Variants in USP19 observed in about 807,000 individuals in gnomAD.
USP19 encodes the protein ubiquitin carboxyl-terminal hydrolase 19.
USP19 carries 40 observed loss-of-function variants against 144.8 expected under a neutral mutation model. The ratio of observed to expected loss-of-function variants is 0.28; its 90% CI spans 0.21 to 0.36. The LOEUF (loss-of-function observed/expected upper bound fraction) is 0.36, where lower values mean the gene tolerates loss of function less well. Among genes scored for constraint, USP19 ranks in the 10% least tolerant of loss-of-function variants. The probability of loss-of-function intolerance (pLI) is 1.00; values close to 1 mark genes in which losing one functional copy is unlikely to be tolerated. For missense variants in USP19, 1,518 were observed against 1,822.5 expected, an observed-to-expected ratio of 0.83 and a Z score of 3.04; for synonymous variants, 701 against 709.3, an observed-to-expected ratio of 0.99 and a Z score of 0.19.
Position 49,110,992 on chromosome 3 carries a change from T to C in USP19, c.3503A>G (p.Asn1168Ser). Reference protein sequence around the residue: ...AGHFTLDQCLNLFTRPEVLAP... With the variant: ...AGHFTLDQCLSLFTRPEVLAP... ...CAGCACCTCAGGCCGTGTGAAGAGG[T>C]TGAGGCACTGGTCCAGGGTGAAGTG... is the stretch of plus-strand genomic sequence containing the variant. Residue 1168 changes from asparagine (N) to serine (S), a missense_variant, in exon 23 of 27, where the codon AAC (asparagine) becomes AGC (serine). Asn to Ser is a conservative substitution (Grantham distance 46, BLOSUM62 1). Coordinates refer to ENST00000417901, the MANE Select transcript of USP19 (RefSeq NM_001199161.2). This position sits in a 1 kb window ranked among gnomAD's most constrained non-coding sequence, Gnocchi z 6.1. The C allele has an allele frequency of 1.2e-6, 2 of 1,613,950 alleles. No individual in the cohort carries two copies. The highest frequency in any genetic ancestry group is 4.5e-5 in the East Asian group (2 of 44,852).
rs1420871810 is a variant in USP19 at position 49,115,486 on chromosome 3, G to A, written c.1846C>T (p.Gln616Ter). 1 of 1,614,132 alleles carries A rather than the reference G, an allele frequency of 6.2e-7. No individual in the cohort carries two copies. The highest frequency in any genetic ancestry group is 8.5e-7 in the Non-Finnish European group (1 of 1,180,054). ...GNTCFMNSVI[Q>*]SLSNTRELRD... is the part of the protein sequence containing the mutation. ...AGTTCCCGAGTGTTGGACAGAGACTGAATGACGCTGTTCATGAAGCAGGTG... is the reference window on the plus strand; with the variant it reads ...AGTTCCCGAGTGTTGGACAGAGACTAAATGACGCTGTTCATGAAGCAGGTG... Residue 616 changes from glutamine to a stop codon, truncating the protein, a stop_gained, in exon 12 of 27, where the codon CAG becomes TAG. Transcript: ENST00000417901. LOFTEE classifies it high-confidence loss of function. This position sits in a 1 kb window ranked among gnomAD's most constrained non-coding sequence, Gnocchi z 6.6.
rs1471081276 is a variant in USP19, at chr3:49,112,775, G to A, written c.2506-146C>T. 3 of 1,197,306 alleles carry A rather than the reference G, an allele frequency of 2.5e-6. No homozygotes were observed. Among genetic ancestry groups the A allele is most frequent in the East Asian group, 2.6e-5 (1 of 38,428 alleles). 74.2% of individuals were successfully genotyped at this position (1,197,306 alleles called of 1,614,324 possible). On this transcript the variant is annotated intron_variant, in intron 17 of 26. Transcript: ENST00000417901. This position sits in a 1 kb window ranked among gnomAD's most constrained non-coding sequence, Gnocchi z 4.9. ...CCCAAATAGGCTTATGCCTCTGCTG[G>A]CACCTGTCTCAGTGCCCAATGCCAT...
Position 49,112,604 on chromosome 3 carries a change from A to G in USP19, c.2531T>C (p.Val844Ala). 6.2e-7 allele frequency: 1 copy of G among 1,613,694 alleles called. No homozygotes were observed. Residue 844 changes from valine (V) to alanine (A), a missense_variant, in exon 18 of 27, where the codon GTG becomes GCG. By Grantham distance (64) the Val-to-Ala change is moderately conservative. Around this residue, in one of 5 missense-constraint regions of USP19, gnomAD observed 413 missense variants for 515.8 expected, o/e 0.80. Transcript: ENST00000417901. This position sits in a 1 kb window ranked among gnomAD's most constrained non-coding sequence, Gnocchi z 4.9. ...GTCCAGTGAGTGGGAGGGTAGGAACACACGATGAAAACGATTCTTAATTAC... is the reference window on the plus strand; with the variant it reads ...GTCCAGTGAGTGGGAGGGTAGGAACGCACGATGAAAACGATTCTTAATTAC... The part of the protein sequence containing the change: ...AEVIKNRFHR[V>A]FLPSHSLDTV...
In USP19 at chr3:49,110,324, C is replaced by T; in HGVS notation, c.3898G>A (p.Asp1300Asn). The change falls in exon 26 of 27, where the codon GAC becomes AAC. Residue 1300 changes from aspartate (D) to asparagine (N), a missense_variant. Transcript: ENST00000417901. This position sits in a 1 kb window ranked among gnomAD's most constrained non-coding sequence, Gnocchi z 6.1. ...TAACGCGTCACAACCTGGCTCTCGT[C>T]TACCGTTGTCACTGTGCTGTCATCA... The part of the protein sequence containing the change: ...LFDDSTVTTV[D>N]ESQVVTRYAY... The T allele has an allele frequency of 3.1e-6, 5 of 1,602,250 alleles. No individual in the cohort carries two copies. The highest frequency in any genetic ancestry group is 4.3e-6 in the Non-Finnish European group (5 of 1,172,774).
Position 49,117,452 on chromosome 3 carries a change from C to T in USP19, c.591G>A (p.Thr197=), listed in dbSNP as rs771029171. The part of the protein sequence containing the change: ...LTLPKKVPML[T]WPSLLKKPLG... ...TAGAACTCACCAGGAGGGAGGGCCACGTGAGCATAGGCACCTTTTTGGGCA... is the reference window on the plus strand; with the variant it reads ...TAGAACTCACCAGGAGGGAGGGCCATGTGAGCATAGGCACCTTTTTGGGCA... The change falls in exon 5 of 27, where the codon ACG becomes ACA. Residue 197 remains threonine (T), a synonymous_variant. Transcript: ENST00000417901. This position sits in a 1 kb window ranked among gnomAD's most constrained non-coding sequence, Gnocchi z 4.4. 5.6e-6 allele frequency: 9 copies of T among 1,614,026 alleles called. No individual in the cohort carries two copies. Among genetic ancestry groups the T allele is most frequent in the South Asian group, 2.2e-5 (2 of 91,090 alleles).
Position 49,112,215 on chromosome 3 carries a change from G to A in USP19, c.2765+69C>T. On this transcript the variant is annotated intron_variant, in intron 19 of 26. Coordinates refer to ENST00000417901, the MANE Select transcript of USP19 (RefSeq NM_001199161.2). The surrounding 1 kb of genome is among the most constrained non-coding windows in gnomAD (Gnocchi z 4.9). ...AGCTTAAGCATATGTGCCTTGGTGTGAAGGGAAGGAGCAGGGTGGCACATG... is the reference window on the plus strand; with the variant it reads ...AGCTTAAGCATATGTGCCTTGGTGTAAAGGGAAGGAGCAGGGTGGCACATG... The A allele has an allele frequency of 1.9e-6, 3 of 1,557,564 alleles. No homozygotes were observed. The highest frequency in any genetic ancestry group is 1.7e-6 in the Non-Finnish European group (2 of 1,150,690).
Position 49,110,138 on chromosome 3 carries a change from T to G in USP19, c.4038+46A>C, listed in dbSNP as rs2042925043. 1 of 1,471,674 alleles carries G rather than the reference T, an allele frequency of 6.8e-7. No homozygotes were observed. The highest frequency in any genetic ancestry group is 9.0e-7 in the Non-Finnish European group (1 of 1,114,670). 91.2% of individuals were successfully genotyped at this position (1,471,674 alleles called of 1,614,324 possible). A position where few individuals can be genotyped will look rare whatever the true frequency, so the allele number is the denominator to read the frequency against. On this transcript the variant is annotated intron_variant, in intron 26 of 26. Transcript: ENST00000417901. This position sits in a 1 kb window ranked among gnomAD's most constrained non-coding sequence, Gnocchi z 6.1. ...TATATCCCCCAACCCGGCCCCAGTC[T>G]GTGAACTGTCCCCCAGTATTCTGTA...
Position 49,112,409 on chromosome 3 carries a change from T to C in USP19, c.2647-7A>G, listed in dbSNP as rs764110813. The C allele has an allele frequency of 9.9e-6, 16 of 1,613,618 alleles. No individual in the cohort carries two copies. Among genetic ancestry groups the C allele is most frequent in the Non-Finnish European group, 1.4e-5 (16 of 1,179,882 alleles). On this transcript the variant is annotated splice_polypyrimidine_tract_variant and splice_region_variant and intron_variant, in intron 18 of 26. Transcript: ENST00000417901. This position sits in a 1 kb window ranked among gnomAD's most constrained non-coding sequence, Gnocchi z 4.9. ...CGCTGGGCACCTGGGGGCGCTAGGGTGGGTCGTCTGGCTCAGCAAGACCAG... is the reference window on the plus strand; with the variant it reads ...CGCTGGGCACCTGGGGGCGCTAGGGCGGGTCGTCTGGCTCAGCAAGACCAG...
rs766818693 is a variant in USP19, at chr3:49,116,381, G to C, written c.1284-30C>G. On this transcript the variant is annotated intron_variant, in intron 8 of 26. Transcript: ENST00000417901. This position sits in a 1 kb window ranked among gnomAD's most constrained non-coding sequence, Gnocchi z 5.0. ...AGAGGCACAGCAGGATAGGAGGAAGGACAAGAGGAAGAGCATGAGACATAC... is the reference window on the plus strand; with the variant it reads ...AGAGGCACAGCAGGATAGGAGGAAGCACAAGAGGAAGAGCATGAGACATAC... The C allele has an allele frequency of 3.7e-6, 6 of 1,614,112 alleles. No homozygotes were observed. Among genetic ancestry groups the C allele is most frequent in the Non-Finnish European group, 3.4e-6 (4 of 1,179,986 alleles).
In USP19 at chr3:49,119,232, C is replaced by G; in HGVS notation, c.-87G>C. The G allele has an allele frequency of 6.6e-7, 1 of 1,515,660 alleles. No individual in the cohort carries two copies. Among genetic ancestry groups the G allele is most frequent in the Non-Finnish European group, 8.8e-7 (1 of 1,136,830 alleles). The allele number at this position is 1,515,660 out of a possible 1,614,324, so 93.9% of individuals were successfully genotyped here. On this transcript the variant is annotated 5_prime_UTR_variant, in exon 2 of 27. Transcript: ENST00000417901. ...CTGCGGCGCTTTCTTCCTGGCCCAG[C>G]TATCTTGGCAACTCTTTGTGGCCAA...
At position 49,112,328 on chromosome 3, in the gene USP19, C is replaced by G. The variant is rs1315579543; in HGVS notation, c.2721G>C (p.Lys907Asn). The stretch of plus-strand genomic sequence containing the variant: ...GGTAGCACCGGGTACAGCGCTTCAG[C>G]TTTTCATCCTCCGACTGTTGCTTCC... ...CQRKQQSEDE[K>N]LKRCTRCYRV... Residue 907 changes from lysine to asparagine, a missense_variant, in exon 19 of 27, where the codon AAG (lysine) becomes AAC (asparagine). Lys to Asn is a moderately conservative substitution (Grantham distance 94, BLOSUM62 0). Transcript: ENST00000417901. The surrounding 1 kb of genome is among the most constrained non-coding windows in gnomAD (Gnocchi z 4.9). 1 of 1,613,790 alleles carries G rather than the reference C, an allele frequency of 6.2e-7. No homozygotes were observed. The highest frequency in any genetic ancestry group is 8.5e-7 in the Non-Finnish European group (1 of 1,179,896).
Position 49,111,828 on chromosome 3 carries a change from C to A in USP19, c.2904-15G>T. 1 of 1,578,608 alleles carries A rather than the reference C, an allele frequency of 6.3e-7. No individual in the cohort carries two copies. Among genetic ancestry groups the A allele is most frequent in the South Asian group, 1.2e-5 (1 of 85,524 alleles). On this transcript the variant is annotated splice_polypyrimidine_tract_variant and intron_variant, in intron 20 of 26. Coordinates refer to ENST00000417901, the MANE Select transcript of USP19 (RefSeq NM_001199161.2). This position sits in a 1 kb window ranked among gnomAD's most constrained non-coding sequence, Gnocchi z 5.9. ...TCACAGAGTACCTGGCAACAGAGAA[C>A]AACGCAAGTAAGACTCCTGACCAGC...
rs1377915958 is a variant in USP19 at position 49,112,987 on chromosome 3, C to T, written c.2506-358G>A. Among the ~76,000 whole-genome samples the T allele has an allele frequency of 1.3e-5, 2 of 152,180 alleles. No homozygotes were observed. Among genetic ancestry groups the T allele is most frequent in the Non-Finnish European group, 2.9e-5 (2 of 68,018 alleles). On this transcript the variant is annotated intron_variant, in intron 17 of 26. Coordinates refer to ENST00000417901, the MANE Select transcript of USP19 (RefSeq NM_001199161.2). The surrounding 1 kb of genome is among the most constrained non-coding windows in gnomAD (Gnocchi z 4.9). ...CCACTCTTACCCCTAAGAAAACCAA[C>T]ACTGTCAGGCTAAAGGCTAGGAACC...
In USP19 at chr3:49,116,659, C is replaced by G; in HGVS notation, c.1127-52G>C. On this transcript the variant is annotated intron_variant, in intron 7 of 26. Transcript: ENST00000417901. The surrounding 1 kb of genome is among the most constrained non-coding windows in gnomAD (Gnocchi z 5.0). ...AACCAGGACAGGTTCCAGCCTATTG[C>G]TACTCTCTATCCACCTACAAACTTT... The G allele has an allele frequency of 6.2e-7, 1 of 1,611,502 alleles. No homozygotes were observed. The highest frequency in any genetic ancestry group is 8.5e-7 in the Non-Finnish European group (1 of 1,178,404).
In USP19 at chr3:49,117,932, C is replaced by G. The variant is rs2044444594; in HGVS notation, c.298+15G>C. 1 of 1,612,778 alleles carries G rather than the reference C, an allele frequency of 6.2e-7. No homozygotes were observed. Among genetic ancestry groups the G allele is most frequent in the Admixed American group, 1.7e-5 (1 of 59,424 alleles). ...CTCCCCTTCCCTAGCAACAAAAAGC[C>G]CATTCGTTACTGACCCTCTTTGGTC... On this transcript the variant is annotated intron_variant, in intron 3 of 26. Transcript: ENST00000417901. This position sits in a 1 kb window ranked among gnomAD's most constrained non-coding sequence, Gnocchi z 4.4.
chr3:49,116,177 T>C lies in USP19; in HGVS notation c.1356-15A>G, dbSNP rs2044088261. 6.2e-7 allele frequency: 1 copy of C among 1,613,892 alleles called. No homozygotes were observed. The highest frequency in any genetic ancestry group is 1.7e-5 in the Admixed American group (1 of 59,956). On this transcript the variant is annotated splice_polypyrimidine_tract_variant and intron_variant, in intron 9 of 26. Transcript: ENST00000417901. The surrounding 1 kb of genome is among the most constrained non-coding windows in gnomAD (Gnocchi z 5.0). The stretch of plus-strand genomic sequence containing the variant: ...CAATCAGATTCCTGTGGGAAAAGGC[T>C]GAACTCAGGGACTTAGGAGGAATGA...
chr3:49,108,384 C>G lies in USP19; in HGVS notation c.*28G>C. On this transcript the variant is annotated 3_prime_UTR_variant, in exon 27 of 27. Transcript: ENST00000417901. The surrounding 1 kb of genome is among the most constrained non-coding windows in gnomAD (Gnocchi z 4.8). ...GGCCCTCTGTGTGGGTGTCCCAAACCCAGTCCCCCCCATCAGCCAGGGACC... is the reference window on the plus strand; with the variant it reads ...GGCCCTCTGTGTGGGTGTCCCAAACGCAGTCCCCCCCATCAGCCAGGGACC... The G allele has an allele frequency of 2.0e-6, 2 of 992,414 alleles. No individual in the cohort carries two copies. The highest frequency in any genetic ancestry group is 2.2e-4 in the Middle Eastern group (1 of 4,536). 61.5% of individuals were successfully genotyped at this position (992,414 alleles called of 1,614,324 possible).
At position 49,116,903 on chromosome 3, in the gene USP19, G is replaced by A. The variant is rs1268918811; in HGVS notation, c.950C>T (p.Ser317Phe). 2 of 1,613,954 alleles carry A rather than the reference G, an allele frequency of 1.2e-6. No homozygotes were observed. The highest frequency in any genetic ancestry group is 1.7e-6 in the Non-Finnish European group (2 of 1,180,032). Residue 317 changes from serine (S) to phenylalanine (F), a missense_variant, in exon 7 of 27, where the codon TCC becomes TTC. Physicochemically the swap from Ser to Phe is radical, Grantham distance 155. Coordinates refer to ENST00000417901, the MANE Select transcript of USP19 (RefSeq NM_001199161.2). This position sits in a 1 kb window ranked among gnomAD's most constrained non-coding sequence, Gnocchi z 5.0. ...DEQLCIPPLN[S>F]QTCLLGSEEN... ...CTCTGAGCCCAGGAGGCAGGTTTGG[G>A]AGTTCAGCGGTGGTATGCAAAGCTG...
Position 49,120,809 on chromosome 3 carries a change from T to C in USP19, c.-190A>G, listed in dbSNP as rs972724606. Reference sequence around the variant, plus strand: ...TCGGGCCCTGGCAACCCGCTCTCCGTTCCGGTTCCGGCGCAGGTCGGTTCC... The same window carrying C: ...TCGGGCCCTGGCAACCCGCTCTCCGCTCCGGTTCCGGCGCAGGTCGGTTCC... On this transcript the variant is annotated 5_prime_UTR_variant, in exon 1 of 27. Coordinates refer to ENST00000417901, the MANE Select transcript of USP19 (RefSeq NM_001199161.2). 4.0e-6 allele frequency: 1 copy of C among 251,090 alleles called. No individual in the cohort carries two copies. The highest frequency in any genetic ancestry group is 2.3e-5 in the African/African-American group (1 of 42,916). 15.6% of individuals were successfully genotyped at this position (251,090 alleles called of 1,614,324 possible). A position where few individuals can be genotyped will look rare whatever the true frequency, so the allele number is the denominator to read the frequency against.
Sources: allele counts gnomAD v4.1 joint callset (sites outside exome capture counted in the v4.1 genomes callset), GRCh38; gene constraint gnomAD v4.1.1; regional missense constraint gnomAD v4.1.1; non-coding constraint Gnocchi (gnomAD v3.1); transcripts MANE v1.5; gene names NCBI Gene and HGNC (gene_info 2026-07-23, HGNC 2026-07-21).